PKNOX2: variants seen among roughly 807,000 people sequenced by gnomAD.
PKNOX2 encodes PBX/knotted 1 homeobox 2.
In PKNOX2, 14 loss-of-function variants were observed where a neutral mutation model predicts 53.1. The ratio of observed to expected loss-of-function variants is 0.26; its 90% confidence interval spans 0.17 to 0.41. PKNOX2 has a LOEUF of 0.41. Ranked by LOEUF, PKNOX2 falls within the 10% of genes least tolerant of loss-of-function variation. PKNOX2 has a pLI of 1.00. For synonymous variants in PKNOX2, 257 were observed against 242.8 expected (o/e 1.06, Z -0.54); for missense variants, 496 against 602.8 (o/e 0.82, Z 1.85).
At chr11:125,428,972 C>A in intron 10 of PKNOX2, 40 bp from the exon 11 acceptor site, 1 of 1,556,906 alleles carries the variant, frequency 6.4e-7, no homozygotes, top group South Asian at 1.1e-5. Context: ...GCCAGATCAG[C>A]ATATGCCCAG....
At chr11:125,242,483 T>C (rs952975881) in intron 2 of PKNOX2, among the ~76,000 whole-genome samples, 10 of 152,314 alleles carry the variant, frequency 6.6e-5, no homozygotes, top group African/African-American at 2.4e-4. Context: ...TGTGTGTGTC[T>C]GCATGTGCTG....
At position 125,314,027 on chromosome 11, in the gene PKNOX2, T is replaced by C. The variant is rs908430690; in HGVS notation, c.-129-17792T>C. Among the ~76,000 whole-genome samples the C allele has an allele frequency of 7.2e-4, 109 of 152,310 alleles. 1 individual carries two copies. The highest frequency in any genetic ancestry group is 2.5e-3 in the African/African-American group (102 of 41,562). The stretch of plus-strand genomic sequence containing the variant: ...CCCCAGTAAGCACTGGCCATTATTA[T>C]ACTGAATGAATTAGAGGAAATAGCT... On this transcript the variant is annotated intron_variant, in intron 2 of 12. Transcript: ENST00000298282.
chr11:125,219,928 G>A (rs982538670), intron 1 of PKNOX2, among the ~76,000 whole-genome samples: 1 of 152,162 alleles, frequency 6.6e-6, no homozygotes, highest in Non-Finnish European at 1.5e-5. Flanking sequence ...GTACCTATAG[G>A]AAATGACATA....
intron 1 of PKNOX2, among the ~76,000 whole-genome samples, chr11:125,219,188 C>T (rs1019571976): frequency 6.6e-6 from 1 of 152,060 alleles, no homozygotes; most frequent in Non-Finnish European, 1.5e-5. Context: ...AATCCCAGCA[C>T]TTAGGGAGGC....
chr11:125,283,174 T>A (rs1946681152), intron 2 of PKNOX2, among the ~76,000 whole-genome samples: 1 of 151,318 alleles, frequency 6.6e-6, no homozygotes. Flanking sequence ...AATAATAAAA[T>A]AAAATAAAAT....
chr11:125,207,025 CG>C (rs11314422), intron 1 of PKNOX2, among the ~76,000 whole-genome samples: 88,163 of 119,064 alleles, frequency 0.74, 29,303 homozygotes, highest in East Asian at 0.8. Flanking sequence ...CTTCAGGTGG[CG>C]GGGGGTGAGG....
chr11:125,277,836 A>G (rs1407869342), intron 2 of PKNOX2, among the ~76,000 whole-genome samples: 2 of 152,190 alleles, frequency 1.3e-5, no homozygotes, highest in African/African-American at 4.8e-5. Context: ...TTTTACACTG[A>G]TTTGATCATT....
At chr11:125,364,580 C>T (rs1366499426) in intron 4 of PKNOX2, among the ~76,000 whole-genome samples, 1 of 152,194 alleles carries the variant, frequency 6.6e-6, no homozygotes, top group African/African-American at 2.4e-5. Flanking sequence ...GAAACTCACT[C>T]CTAGTGGGCA....
intron 4 of PKNOX2, among the ~76,000 whole-genome samples, chr11:125,360,146 CA>C (rs547553077): frequency 0.053 from 4,300 of 80,496 alleles, 170 homozygotes; most frequent in African/African-American, 0.16. Flanking sequence ...AACTCCATCT[CA>C]AAAAAAAAAA....
Position 125,165,179 on chromosome 11 carries a change from T to C in PKNOX2, c.-201+403T>C, listed in dbSNP as rs1265524230. ...CGCCGCCGCCGCCGCCTCGCCGCGC[T>C]TGGGCCCGTGGCCGGCCGCGCATTG... On this transcript the variant is annotated intron_variant, in intron 1 of 12. Transcript: ENST00000298282. The surrounding 1 kb of genome is among the most constrained non-coding windows in gnomAD (Gnocchi z 4.5). Among the ~76,000 whole-genome samples the C allele has an allele frequency of 7.3e-5, 11 of 150,286 alleles. No homozygotes were observed. In the East Asian group the frequency reaches 2.2e-3, roughly 29 times the overall value.
chr11:125,322,145 AAGTTAGGTAGG>A (rs1949550152), intron 2 of PKNOX2, among the ~76,000 whole-genome samples: 1 of 152,142 alleles, frequency 6.6e-6, no homozygotes, highest in African/African-American at 2.4e-5. Context: ...CATAGGCTAG[AAGTTAGGTAGG>A]AGCCATGTCA....
At chr11:125,217,011 AC>A (rs1404737001) in intron 1 of PKNOX2, among the ~76,000 whole-genome samples, 9 of 78,572 alleles carry the variant, frequency 1.1e-4, no homozygotes, top group Non-Finnish European at 1.6e-4. Flanking sequence ...CCCTCAAAAC[AC>A]ACACACACAC....
At chr11:125,186,915 T>C (rs140300236) in intron 1 of PKNOX2, among the ~76,000 whole-genome samples, 2,508 of 152,330 alleles carry the variant, frequency 0.016, 29 homozygotes, top group Middle Eastern at 0.041. Context: ...GCTCCAACTT[T>C]ATTCTTTTGC....
rs535842245 is a variant in PKNOX2 at position 125,248,053 on chromosome 11, G to A, written c.-130+12938G>A. Reference sequence around the variant, plus strand: ...TGTCTGTCCTTTTCCCCTGGGCCATGTCAGTCCTCGGTCCATGGCTGATGC... The same window carrying A: ...TGTCTGTCCTTTTCCCCTGGGCCATATCAGTCCTCGGTCCATGGCTGATGC... On this transcript the variant is annotated intron_variant, in intron 2 of 12. Transcript: ENST00000298282. 5.1e-4 allele frequency among the ~76,000 whole-genome samples: 77 copies of A among 152,294 alleles called. 1 individual carries two copies. Among genetic ancestry groups the A allele is most frequent in the Middle Eastern group, 3.4e-3 (1 of 294 alleles).
At chr11:125,288,409 T>C (rs1245070207) in intron 2 of PKNOX2, among the ~76,000 whole-genome samples, 2 of 152,206 alleles carry the variant, frequency 1.3e-5, no homozygotes, top group African/African-American at 4.8e-5. Flanking sequence ...TGAGAACCAC[T>C]GAACTCTTCT....
intron 3 of PKNOX2, among the ~76,000 whole-genome samples, chr11:125,339,186 G>A (rs879525641): frequency 8.5e-5 from 13 of 152,196 alleles, no homozygotes; most frequent in Non-Finnish European, 1.8e-4. Context: ...ACACAGCTCC[G>A]TCCTCGCACT....
intron 2 of PKNOX2, among the ~76,000 whole-genome samples, chr11:125,278,225 A>G (rs892678890): frequency 3.3e-5 from 5 of 152,038 alleles, no homozygotes; most frequent in Non-Finnish European, 5.9e-5. Context: ...TCTAAAAAAA[A>G]AAAAAAAAAA....
intron 4 of PKNOX2, among the ~76,000 whole-genome samples, chr11:125,354,344 C>T (rs1218792365): frequency 1.3e-5 from 2 of 152,196 alleles, no homozygotes; most frequent in African/African-American, 4.8e-5. Context: ...ACTCCCTCCT[C>T]ATTCCTTTAG....
At chr11:125,384,438 C>T (rs1953479396) in intron 5 of PKNOX2, among the ~76,000 whole-genome samples, 1 of 152,190 alleles carries the variant, frequency 6.6e-6, no homozygotes, top group Non-Finnish European at 1.5e-5. Flanking sequence ...GTAATCTCAG[C>T]ACTTTGGGAG....
Sources: gnomAD v4.1 joint callset for allele counts (sites outside exome capture counted in the v4.1 genomes callset) on GRCh38, gnomAD v4.1.1 for gene constraint, Gnocchi (gnomAD v3.1) non-coding constraint, MANE v1.5 for transcripts, NCBI Gene and HGNC (gene_info 2026-07-23, HGNC 2026-07-21) for gene names.